The following VPS16 variants were observed in gnomAD, a reference collection of about 807,000 sequenced individuals.
VPS16 encodes the protein VPS16 core subunit of CORVET and HOPS complexes, also known as vacuolar protein sorting-associated protein 16 homolog.
A neutral mutation model predicts 116.0 loss-of-function variants in VPS16; 82 were observed. The ratio of observed to expected loss-of-function variants is 0.71; its 90% CI spans 0.59 to 0.85. The LOEUF (loss-of-function observed/expected upper bound fraction) is 0.85, where lower values mean the gene tolerates loss of function less well. Among genes scored for constraint, VPS16 ranks in the 40% least tolerant of loss-of-function variants. The pLI, the probability that VPS16 is intolerant of heterozygous loss-of-function variation, is 0.00. For missense variants in VPS16, 928 were observed against 1,090.6 expected (o/e 0.85, Z 2.10); for synonymous variants, 406 against 420.7 (o/e 0.96, Z 0.43).
At chr20:2,856,371 A>G (rs925473330) in intron 1 of VPS16, among the ~76,000 whole-genome samples, 1 of 152,250 alleles carries the variant, frequency 6.6e-6, no homozygotes, top group African/African-American at 2.4e-5. Context: ...AATAATAATG[A>G]AAAAGTTTGG....
chr20:2,851,223 A>AG (rs1238295741), intron 1 of VPS16, among the ~76,000 whole-genome samples: 3 of 152,232 alleles, frequency 2.0e-5, no homozygotes, highest in African/African-American at 7.2e-5. Flanking sequence ...GTAAAGACGT[A>AG]GGCAAGCTGC....
intron 8 of VPS16, 38 bp downstream of exon 8, chr20:2,861,318 G>A: frequency 6.2e-7 from 1 of 1,613,180 alleles, no homozygotes; most frequent in Non-Finnish European, 8.5e-7. Flanking sequence ...GTGTGGGTGA[G>A]ACATAGCTTG....
At chr20:2,859,689 G>T in intron 1 of VPS16, 30 bp from the exon 2 acceptor site, 2 of 1,610,220 alleles carry the variant, frequency 1.2e-6, no homozygotes, top group South Asian at 2.2e-5. Context: ...GGGTAATGAG[G>T]CTAATTTCTG....
At position 2,863,380 on chromosome 20, in the gene VPS16, C is replaced by T; in HGVS notation, c.1458C>T (p.Ala486=). The change falls in exon 15 of 24, where the codon GCC becomes GCT. Residue 486 remains alanine (A), a synonymous_variant. Coordinates refer to ENST00000380445, the MANE Select transcript of VPS16 (RefSeq NM_022575.4). The surrounding 1 kb of genome is among the most constrained non-coding windows in gnomAD (Gnocchi z 4.4). ...PEVQGVSRIL[A]HWACYKVQQK... is the part of the protein sequence containing the mutation. ...TACAGGGCGTCAGCAGGATCCTGGCCCACTGGGCCTGCTACAAGGCAAGGA... is the reference window on the plus strand; with the variant it reads ...TACAGGGCGTCAGCAGGATCCTGGCTCACTGGGCCTGCTACAAGGCAAGGA... 1 of 1,614,188 alleles carries T rather than the reference C, an allele frequency of 6.2e-7. No homozygotes were observed. The highest frequency in any genetic ancestry group is 8.5e-7 in the Non-Finnish European group (1 of 1,180,026).
At chr20:2,861,924 A>G in intron 10 of VPS16, 25 bp downstream of exon 10, 1 of 1,611,668 alleles carries the variant, frequency 6.2e-7, no homozygotes, top group Non-Finnish European at 8.5e-7. Flanking sequence ...AGGGCACCAC[A>G]TAACCCAAGG....
rs1396532996 is a variant in VPS16 at position 2,864,413 on chromosome 20, T to G, written c.1769T>G (p.Phe590Cys). The change falls in exon 18 of 24, where the codon TTT becomes TGT. Residue 590 changes from phenylalanine to cysteine, a missense_variant. Phe to Cys is a radical substitution (Grantham distance 205). Coordinates refer to ENST00000380445, the MANE Select transcript of VPS16 (RefSeq NM_022575.4). The surrounding 1 kb of genome is among the most constrained non-coding windows in gnomAD (Gnocchi z 5.2). The stretch of plus-strand genomic sequence containing the variant: ...AAGAACGAGCTGAACCGAGGAGATT[T>G]TTTCATGACCCTTCGGAATCAGCCC... ...HLKNELNRGD[F>C]FMTLRNQPMA... The G allele has an allele frequency of 6.2e-7, 1 of 1,614,086 alleles. No homozygotes were observed. Among genetic ancestry groups the G allele is most frequent in the Admixed American group, 1.7e-5 (1 of 60,014 alleles).
chr20:2,855,390 C>G (rs2089163318), intron 1 of VPS16, among the ~76,000 whole-genome samples: 1 of 151,466 alleles, frequency 6.6e-6, no homozygotes, highest in Non-Finnish European at 1.5e-5. Context: ...TATCCCGTTT[C>G]TAGAGCACAG....
rs1385984091 is a variant in VPS16 at position 2,856,349 on chromosome 20, C to T, written c.54-3370C>T. Among the ~76,000 whole-genome samples, 3 of 152,134 alleles carry T rather than the reference C, an allele frequency of 2.0e-5. No homozygotes were observed. In the East Asian group the frequency reaches 5.8e-4, roughly 29 times the overall value. ...AGTAACATCACTGATCACAGATCAC[C>T]ATATCAGATATAATAATAATGAAAA... is the stretch of plus-strand genomic sequence containing the variant. On this transcript the variant is annotated intron_variant, in intron 1 of 23. Coordinates refer to ENST00000380445, the MANE Select transcript of VPS16 (RefSeq NM_022575.4).
At chr20:2,846,751 G>C (rs1327334545) in intron 1 of VPS16, among the ~76,000 whole-genome samples, 1 of 152,032 alleles carries the variant, frequency 6.6e-6, no homozygotes, top group Non-Finnish European at 1.5e-5. Flanking sequence ...TTCACTCAAG[G>C]GTCTTCTCAC....
intron 1 of VPS16, among the ~76,000 whole-genome samples, chr20:2,852,316 A>G (rs1439777429): frequency 2.0e-5 from 3 of 152,094 alleles, no homozygotes; most frequent in Non-Finnish European, 4.4e-5. Context: ...AAAGCTTAAC[A>G]TGCTCACTAT....
At chr20:2,853,114 G>A (rs1343467920) in intron 1 of VPS16, among the ~76,000 whole-genome samples, 2 of 152,152 alleles carry the variant, frequency 1.3e-5, no homozygotes, top group Non-Finnish European at 1.5e-5. Flanking sequence ...CTTTCAGCCG[G>A]GCATGGTGGC....
rs900544964 is a variant in VPS16, at chr20:2,864,788, G to A, written c.1926+134G>A. On this transcript the variant is annotated intron_variant, in intron 19 of 23. Coordinates refer to ENST00000380445, the MANE Select transcript of VPS16 (RefSeq NM_022575.4). The surrounding 1 kb of genome is among the most constrained non-coding windows in gnomAD (Gnocchi z 5.2). ...TCCTCACTGTGAGGGAGACTCTGAC[G>A]TGAGGCCAGGATGGGGGTTAGTGTC... is the stretch of plus-strand genomic sequence containing the variant. 8 of 1,166,542 alleles carry A rather than the reference G, an allele frequency of 6.9e-6. No individual in the cohort carries two copies. Among genetic ancestry groups the A allele is most frequent in the East Asian group, 2.4e-5 (1 of 41,310 alleles). 72.3% of individuals were successfully genotyped at this position (1,166,542 alleles called of 1,614,324 possible).
In VPS16 at chr20:2,842,715, G is replaced by GATACATCTAGATGTATCTATAGATAGAT. The variant is rs374219503; in HGVS notation, c.53+1889_53+1890insTACATCTAGATGTATCTATAGATAGATA. Among the ~76,000 whole-genome samples the GATACATCTAGATGTATCTATAGATAGAT allele has an allele frequency of 5.5e-5, 3 of 54,412 alleles. 1 individual carries two copies. Among genetic ancestry groups the GATACATCTAGATGTATCTATAGATAGAT allele is most frequent in the African/African-American group, 5.1e-4 (3 of 5,908 alleles). The allele number at this position is 54,412 out of a possible 152,430, so 35.7% of individuals were successfully genotyped here. A position where few individuals can be genotyped will look rare whatever the true frequency, so the allele number is the denominator to read the frequency against. ...ATCTAGATGTATCTATATATAGATA[G>GATACATCTAGATGTATCTATAGATAGAT]ACATATGGATGTATCTATCTATAGA... On this transcript the variant is annotated intron_variant, in intron 1 of 23. Transcript: ENST00000380445.
intron 11 of VPS16, 119 bp from the exon 12 acceptor site, chr20:2,862,460 C>T: frequency 2.0e-6 from 3 of 1,499,028 alleles, no homozygotes; most frequent in Admixed American, 4.5e-5. Context: ...GGAGTTGGGG[C>T]TCCAGCCTGT....
rs985736911 is a variant in VPS16, at chr20:2,860,565, C to T, written c.486C>T (p.Leu162=). ...CCCTCAGTGCCAATGTGGGTGACCT[C>T]AAACTCCGCCGGATGCCAGAGGTGC... The part of the protein sequence containing the change: ...RFTLSANVGD[L]KLRRMPEVPG... Residue 162 remains leucine, a synonymous_variant, in exon 5 of 24, where the codon CTC becomes CTT. Transcript: ENST00000380445. The surrounding 1 kb of genome is among the most constrained non-coding windows in gnomAD (Gnocchi z 6.1). The T allele has an allele frequency of 2.6e-5, 42 of 1,613,852 alleles. No homozygotes were observed. Among genetic ancestry groups the T allele is most frequent in the Non-Finnish European group, 3.4e-5 (40 of 1,179,998 alleles).
At chr20:2,859,906 C>T (rs1599995779) in intron 2 of VPS16, 99 bp downstream of exon 2, 2 of 1,461,456 alleles carry the variant, frequency 1.4e-6, no homozygotes, top group East Asian at 4.5e-5. Flanking sequence ...TTGTTGCCAC[C>T]CCCCACTCAC....
At chr20:2,844,254 C>T (rs2089037024) in intron 1 of VPS16, among the ~76,000 whole-genome samples, 1 of 152,178 alleles carries the variant, frequency 6.6e-6, no homozygotes, top group Non-Finnish European at 1.5e-5. Context: ...TATGCATAGG[C>T]AGGACTTGAT....
Position 2,866,323 on chromosome 20 carries a change from A to G in VPS16, c.2375+8A>G, listed in dbSNP as rs764621144. 1.9e-6 allele frequency: 3 copies of G among 1,614,002 alleles called. No homozygotes were observed. Among genetic ancestry groups the G allele is most frequent in the Admixed American group, 3.3e-5 (2 of 60,000 alleles). ...GGCTTTGCTTCTTGTTGGGTGCGTC[A>G]ACTGAGGGCCTGTGGGTGCTGGGTG... On this transcript the variant is annotated splice_region_variant and intron_variant, in intron 23 of 23. Coordinates refer to ENST00000380445, the MANE Select transcript of VPS16 (RefSeq NM_022575.4).
intron 23 of VPS16, 28 bp downstream of exon 23, chr20:2,866,343 T>C (rs745765745): frequency 1.9e-6 from 3 of 1,614,022 alleles, no homozygotes. Flanking sequence ...CTGTGGGTGC[T>C]GGGTGGCTGA....
Sources: allele counts gnomAD v4.1 joint callset (sites outside exome capture counted in the v4.1 genomes callset), GRCh38; gene constraint gnomAD v4.1.1; non-coding constraint Gnocchi (gnomAD v3.1); transcripts MANE v1.5; gene names NCBI Gene and HGNC (gene_info 2026-07-23, HGNC 2026-07-21).